Variants in TSPAN32 observed in about 807,000 individuals in gnomAD.
TSPAN32 encodes the protein tetraspanin-32.
A neutral mutation model predicts 42.7 loss-of-function variants in TSPAN32; 47 were observed. The ratio of observed to expected loss-of-function variants is 1.10; its 90% CI spans 0.87 to 1.40. The LOEUF (loss-of-function observed/expected upper bound fraction) is 1.40, where lower values mean the gene tolerates loss of function less well. TSPAN32 is among the 40% of genes most tolerant of loss of function. TSPAN32 has a pLI of 0.00. For synonymous variants in TSPAN32, 175 were observed against 175.9 expected (o/e 0.99, Z 0.04); for missense variants, 469 against 424.1 (o/e 1.11, Z -0.93).
In TSPAN32 at chr11:2,313,560, AAGG is replaced by A; in HGVS notation, c.355-93_355-91del. ...CAGTGCTGGGACGTCACTCAGCACT[AAGG>A]GCCCACTAGCGTTTGGGATGTCGTG... is the stretch of plus-strand genomic sequence containing the variant. On this transcript the variant is annotated intron_variant, in intron 4 of 9. Transcript: ENST00000182290. This position sits in a 1 kb window ranked among gnomAD's most constrained non-coding sequence, Gnocchi z 9.1. The A allele has an allele frequency of 1.0e-6, 1 of 973,358 alleles. No individual in the cohort carries two copies. The highest frequency in any genetic ancestry group is 1.6e-6 in the Non-Finnish European group (1 of 644,702). The allele number at this position is 973,358 out of a possible 1,614,324, so 60.3% of individuals were successfully genotyped here. A position where few individuals can be genotyped will look rare whatever the true frequency, so the allele number is the denominator to read the frequency against.
intron 6 of TSPAN32, chr11:2,315,512 G>C (rs558128217): frequency 1.7e-6 from 2 of 1,156,346 alleles, no homozygotes; most frequent in East Asian, 1.2e-4. Flanking sequence ...CCATGGGCCC[G>C]ACTGCAAAGC....
intron 5 of TSPAN32, 30 bp from the exon 6 acceptor site, chr11:2,314,455 A>T (rs1156754011): frequency 6.3e-7 from 1 of 1,582,926 alleles, no homozygotes; most frequent in South Asian, 1.1e-5. Context: ...TCGGGAGCAC[A>T]TCACCACTCC....
rs566789735 is a variant in TSPAN32, at chr11:2,304,938, C to T, written c.279+734C>T. On this transcript the variant is annotated intron_variant, in intron 3 of 9. Coordinates refer to ENST00000182290, the MANE Select transcript of TSPAN32 (RefSeq NM_139022.3). This position sits in a 1 kb window ranked among gnomAD's most constrained non-coding sequence, Gnocchi z 4.8. ...CTGGGGCAGCTCCTCCCTGGCGCCC[C>T]GGGCTCCCACCTGTCCCTCTAGCCT... Among the ~76,000 whole-genome samples, 4 of 152,254 alleles carry T rather than the reference C, an allele frequency of 2.6e-5. No homozygotes were observed. The highest frequency in any genetic ancestry group is 2.1e-4 in the South Asian group (1 of 4,818).
intron 4 of TSPAN32, among the ~76,000 whole-genome samples, chr11:2,312,829 C>A (rs1401827140): frequency 6.6e-6 from 1 of 152,152 alleles, no homozygotes; most frequent in South Asian, 2.1e-4. Context: ...AACTGAGGGC[C>A]TCTGAGGCAG....
chr11:2,306,254 G>A (rs987103521), intron 3 of TSPAN32, among the ~76,000 whole-genome samples: 5 of 152,074 alleles, frequency 3.3e-5, no homozygotes, highest in Non-Finnish European at 5.9e-5. Flanking sequence ...TCCCCACAAA[G>A]CCCCTTCCTG....
chr11:2,315,160 T>G (rs1848706818), intron 6 of TSPAN32: 5 of 646,454 alleles, frequency 7.7e-6, no homozygotes, highest in Non-Finnish European at 1.0e-5. Context: ...CCGGCAGCCC[T>G]CCCCCAGCCC....
In TSPAN32 at chr11:2,317,653, G is replaced by T; in HGVS notation, c.901+128G>T. The stretch of plus-strand genomic sequence containing the variant: ...TTGGGAACAGATGCAAGGGTAAGGG[G>T]TAGCTCACCAAATCCCTCCATGGGA... On this transcript the variant is annotated intron_variant, in intron 9 of 9. Coordinates refer to ENST00000182290, the MANE Select transcript of TSPAN32 (RefSeq NM_139022.3). The surrounding 1 kb of genome is among the most constrained non-coding windows in gnomAD (Gnocchi z 6.2). The T allele has an allele frequency of 6.8e-7, 1 of 1,479,496 alleles. No homozygotes were observed. Among genetic ancestry groups the T allele is most frequent in the Non-Finnish European group, 8.9e-7 (1 of 1,122,076 alleles). The allele number at this position is 1,479,496 out of a possible 1,614,324, so 91.6% of individuals were successfully genotyped here.
chr11:2,317,945 C>G lies in TSPAN32; in HGVS notation c.*21C>G, dbSNP rs1167067310. The G allele has an allele frequency of 2.3e-6, 2 of 888,754 alleles. No individual in the cohort carries two copies. The highest frequency in any genetic ancestry group is 3.8e-6 in the Non-Finnish European group (2 of 520,152). 55.1% of individuals were successfully genotyped at this position (888,754 alleles called of 1,614,324 possible). On this transcript the variant is annotated 3_prime_UTR_variant, in exon 10 of 10. Transcript: ENST00000182290. This position sits in a 1 kb window ranked among gnomAD's most constrained non-coding sequence, Gnocchi z 6.2. The stretch of plus-strand genomic sequence containing the variant: ...ACTGACGTCAGGCCTTGGTGGGCTG[C>G]ACTCTCACCTGGAGGCTCCGGGGAA...
intron 6 of TSPAN32, chr11:2,314,822 A>T: frequency 1.9e-6 from 1 of 536,642 alleles, no homozygotes; most frequent in East Asian, 3.2e-5. Flanking sequence ...GCCCAGCTGG[A>T]CGCAGGCCCC....
chr11:2,315,991 C>A (rs143770032), intron 6 of TSPAN32: 4 of 1,533,196 alleles, frequency 2.6e-6, no homozygotes, highest in Admixed American at 2.0e-5. Flanking sequence ...CGGCACCGGC[C>A]GGGCCCAGGG....
Position 2,316,813 on chromosome 11 carries a change from G to A in TSPAN32, c.719+146G>A, listed in dbSNP as rs2234311. ...GAGGAAACGCTTTGGGGGTGGCTGA[G>A]CACCAGGGTGGGGTGGGAGACCTGG... is the stretch of plus-strand genomic sequence containing the variant. On this transcript the variant is annotated intron_variant, in intron 8 of 9. Coordinates refer to ENST00000182290, the MANE Select transcript of TSPAN32 (RefSeq NM_139022.3). The A allele has an allele frequency of 4.0e-3, 3,498 of 875,814 alleles. 97 individuals are homozygous for A. In the African/African-American group the frequency reaches 0.055, roughly 14 times the overall value. 54.3% of individuals were successfully genotyped at this position (875,814 alleles called of 1,614,324 possible).
chr11:2,312,464 A>G (rs1051033333), intron 4 of TSPAN32, among the ~76,000 whole-genome samples: 1 of 152,194 alleles, frequency 6.6e-6, no homozygotes, highest in African/African-American at 2.4e-5. Context: ...TGAGTCGGGG[A>G]TGACTCACGG....
intron 4 of TSPAN32, among the ~76,000 whole-genome samples, chr11:2,312,552 T>C (rs1477510962): frequency 1.3e-5 from 2 of 152,170 alleles, no homozygotes; most frequent in Non-Finnish European, 2.9e-5. Flanking sequence ...GGAAAGTCCA[T>C]CTGACTCCTG....
At position 2,318,096 on chromosome 11, in the gene TSPAN32, G is replaced by C. The variant is rs937256884; in HGVS notation, c.*172G>C. On this transcript the variant is annotated 3_prime_UTR_variant, in exon 10 of 10. Coordinates refer to ENST00000182290, the MANE Select transcript of TSPAN32 (RefSeq NM_139022.3). The surrounding 1 kb of genome is among the most constrained non-coding windows in gnomAD (Gnocchi z 4.2). ...ACCTTCAAACCAGCAATGGTGCATT[G>C]AGCAAATTGTGGTCAAATATACATC... is the stretch of plus-strand genomic sequence containing the variant. 7.0e-6 allele frequency: 4 copies of C among 570,524 alleles called. No individual in the cohort carries two copies. The South Asian group carries it at 9.3e-5, about 13-fold the overall frequency. 35.3% of individuals were successfully genotyped at this position (570,524 alleles called of 1,614,324 possible).
chr11:2,313,883 A>G lies in TSPAN32; in HGVS notation c.456+128A>G. 1.3e-6 allele frequency: 1 copy of G among 764,242 alleles called. No homozygotes were observed. The highest frequency in any genetic ancestry group is 2.1e-6 in the Non-Finnish European group (1 of 474,090). 47.3% of individuals were successfully genotyped at this position (764,242 alleles called of 1,614,324 possible). A position where few individuals can be genotyped will look rare whatever the true frequency, so the allele number is the denominator to read the frequency against. On this transcript the variant is annotated intron_variant, in intron 5 of 9. Coordinates refer to ENST00000182290, the MANE Select transcript of TSPAN32 (RefSeq NM_139022.3). The surrounding 1 kb of genome is among the most constrained non-coding windows in gnomAD (Gnocchi z 9.1). Reference sequence around the variant, plus strand: ...GAGGGGGTTCCAGGACACAGGCCAGAGTTGCCCCTCAGGGCTGGGGGCAAA... The same window carrying G: ...GAGGGGGTTCCAGGACACAGGCCAGGGTTGCCCCTCAGGGCTGGGGGCAAA...
chr11:2,317,225 T>A lies in TSPAN32; in HGVS notation c.720-119T>A, dbSNP rs1848848751. 2.6e-5 allele frequency: 20 copies of A among 778,244 alleles called. No homozygotes were observed. The South Asian group carries it at 3.1e-4, about 12-fold the overall frequency. 48.2% of individuals were successfully genotyped at this position (778,244 alleles called of 1,614,324 possible). On this transcript the variant is annotated intron_variant, in intron 8 of 9. Coordinates refer to ENST00000182290, the MANE Select transcript of TSPAN32 (RefSeq NM_139022.3). This position sits in a 1 kb window ranked among gnomAD's most constrained non-coding sequence, Gnocchi z 6.2. ...CCTAGAACATTCCACAGCAGCTCCA[T>A]AATCCCCTCCAGAACATTCTGCAAC...
intron 3 of TSPAN32, among the ~76,000 whole-genome samples, chr11:2,307,605 G>A (rs377336019): frequency 2.0e-5 from 3 of 152,190 alleles, no homozygotes; most frequent in East Asian, 1.9e-4. Flanking sequence ...CCATAAAACT[G>A]TATCGGGGGC....
chr11:2,315,275 C>T (rs1564966561), intron 6 of TSPAN32: 17 of 1,192,910 alleles, frequency 1.4e-5, no homozygotes, highest in Non-Finnish European at 1.7e-5. Flanking sequence ...CTCCAAGAAA[C>T]AGAGGGGAGG....
intron 6 of TSPAN32, 135 bp downstream of exon 6, chr11:2,314,706 G>T (rs1205880378): frequency 5.8e-6 from 4 of 690,588 alleles, no homozygotes; most frequent in Admixed American, 4.9e-5. Context: ...TGCCGCTGAA[G>T]GGCTCAGGGA....
Sources: gnomAD v4.1 joint callset for allele counts (sites outside exome capture counted in the v4.1 genomes callset) on GRCh38, gnomAD v4.1.1 for gene constraint, Gnocchi (gnomAD v3.1) non-coding constraint, MANE v1.5 for transcripts, NCBI Gene and HGNC (gene_info 2026-07-23, HGNC 2026-07-21) for gene names.